RAP1GDS1: variants seen among roughly 807,000 people sequenced by gnomAD.
RAP1GDS1 encodes the protein Rap1 GTPase-GDP dissociation stimulator 1, also known as RAP1, GTP-GDP dissociation stimulator 1.
A neutral mutation model predicts 71.1 loss-of-function variants in RAP1GDS1; 35 were observed. The observed-to-expected ratio is 0.49, with a 90% CI of 0.38 to 0.65. RAP1GDS1 has a LOEUF of 0.65. RAP1GDS1 is among the 30% of genes least tolerant of loss of function. The pLI, the probability that RAP1GDS1 is intolerant of heterozygous loss-of-function variation, is 0.00. For synonymous variants in RAP1GDS1, 229 were observed against 243.1 expected, an observed-to-expected ratio of 0.94 and a Z score of 0.54; for missense variants, 663 against 706.1, an observed-to-expected ratio of 0.94 and a Z score of 0.69.
At chr4:98,397,912 C>G (rs28451188) in intron 6 of RAP1GDS1, among the ~76,000 whole-genome samples, 8,646 of 152,110 alleles carry the variant, frequency 0.057, 626 homozygotes, top group African/African-American at 0.17. Flanking sequence ...CATTTGTCTC[C>G]CAGAACGTAG....
At chr4:98,347,888 G>T (rs1416055646) in intron 3 of RAP1GDS1, among the ~76,000 whole-genome samples, 1 of 152,170 alleles carries the variant, frequency 6.6e-6, no homozygotes. Flanking sequence ...TAGGTAGTAG[G>T]AACCCCTTTG....
chr4:98,355,125 T>G (rs1333417245), intron 4 of RAP1GDS1, among the ~76,000 whole-genome samples: 1 of 152,218 alleles, frequency 6.6e-6, no homozygotes, highest in East Asian at 1.9e-4. Flanking sequence ...GGGAATTTAC[T>G]TGAAATGCAT....
Position 98,261,583 on chromosome 4 carries a change from C to G in RAP1GDS1, c.4+14C>G. 1 of 1,599,546 alleles carries G rather than the reference C, an allele frequency of 6.3e-7. No homozygotes were observed. Among genetic ancestry groups the G allele is most frequent in the Non-Finnish European group, 8.5e-7 (1 of 1,171,356 alleles). On this transcript the variant is annotated intron_variant, in intron 1 of 14. Transcript: ENST00000408927. Reference sequence around the variant, plus strand: ...GGAGCAACATGGGTAAGTCATCCTTCCTCCGCCGTCATCGCCTGACATTTT... The same window carrying G: ...GGAGCAACATGGGTAAGTCATCCTTGCTCCGCCGTCATCGCCTGACATTTT...
intron 6 of RAP1GDS1, among the ~76,000 whole-genome samples, chr4:98,400,670 T>C (rs1237786716): frequency 6.6e-6 from 1 of 152,116 alleles, no homozygotes; most frequent in Non-Finnish European, 1.5e-5. Context: ...CATTGTAGGA[T>C]AACTATCGTT....
rs182100599 is a variant in RAP1GDS1 at position 98,293,669 on chromosome 4, C to G, written c.112+154C>G. Among the ~76,000 whole-genome samples the G allele has an allele frequency of 1.1e-3, 173 of 152,144 alleles. 1 individual carries two copies. In the South Asian group the frequency reaches 0.018, roughly 16 times the overall value. On this transcript the variant is annotated intron_variant, in intron 2 of 14. Coordinates refer to ENST00000408927, the MANE Select transcript of RAP1GDS1 (RefSeq NM_001100427.2). ...GAATACTGAGATTGTTTTACATGTT[C>G]TACCCTCCTACTTCCCTCCACGCCC...
intron 3 of RAP1GDS1, among the ~76,000 whole-genome samples, chr4:98,349,166 A>G (rs572390837): frequency 6.6e-6 from 1 of 152,324 alleles, no homozygotes; most frequent in Non-Finnish European, 1.5e-5. Flanking sequence ...GAAGGGATCC[A>G]GTTTCAGCTT....
chr4:98,430,272 A>C (rs1375733551), intron 12 of RAP1GDS1, among the ~76,000 whole-genome samples: 1 of 152,224 alleles, frequency 6.6e-6, no homozygotes, highest in East Asian at 1.9e-4. Flanking sequence ...TTACAACTTT[A>C]GGATTACAAT....
In RAP1GDS1 at chr4:98,262,919, A is replaced by T. The variant is rs1371571650; in HGVS notation, c.4+1350A>T. Among the ~76,000 whole-genome samples, 4 of 152,312 alleles carry T rather than the reference A, an allele frequency of 2.6e-5. 1 individual carries two copies. In the South Asian group the frequency reaches 8.3e-4, roughly 32 times the overall value. On this transcript the variant is annotated intron_variant, in intron 1 of 14. Coordinates refer to ENST00000408927, the MANE Select transcript of RAP1GDS1 (RefSeq NM_001100427.2). ...AGGTGGTATGAATCAAAAAAGGTCT[A>T]GGGCTCTGAATTTTATTTTCAGTTG...
intron 2 of RAP1GDS1, among the ~76,000 whole-genome samples, chr4:98,334,501 C>T (rs188301626): frequency 6.6e-6 from 1 of 152,208 alleles, no homozygotes; most frequent in South Asian, 2.1e-4. Flanking sequence ...GACTAGTCAG[C>T]GTAGCAGGGA....
At chr4:98,303,903 T>C (rs1728938745) in intron 2 of RAP1GDS1, among the ~76,000 whole-genome samples, 1 of 151,948 alleles carries the variant, frequency 6.6e-6, no homozygotes, top group Non-Finnish European at 1.5e-5. Context: ...CCTTCCTGTG[T>C]CCATGTGTTT....
intron 1 of RAP1GDS1, among the ~76,000 whole-genome samples, chr4:98,288,552 T>G (rs933707222): frequency 6.6e-6 from 1 of 152,186 alleles, no homozygotes; most frequent in Non-Finnish European, 1.5e-5. Context: ...TACCCAGTAA[T>G]GGGATTGCTG....
At chr4:98,312,175 T>C (rs536285768) in intron 2 of RAP1GDS1, among the ~76,000 whole-genome samples, 1 of 152,316 alleles carries the variant, frequency 6.6e-6, no homozygotes, top group East Asian at 1.9e-4. Flanking sequence ...GGGGAAGCAT[T>C]TTAATAATAG....
At position 98,276,041 on chromosome 4, in the gene RAP1GDS1, A is replaced by ATT. The variant is rs371037140; in HGVS notation, c.4+14480_4+14481dup. 3.8e-3 allele frequency among the ~76,000 whole-genome samples: 577 copies of ATT among 151,658 alleles called. 6 individuals carry two copies. The highest frequency in any genetic ancestry group is 0.013 in the African/African-American group (552 of 41,302). ...ATATTGGGTGGCATATAAACAACAG[A>ATT]TTTTTTTTTCCCACAGTTCTGGTGA... On this transcript the variant is annotated intron_variant, in intron 1 of 14. Coordinates refer to ENST00000408927, the MANE Select transcript of RAP1GDS1 (RefSeq NM_001100427.2).
intron 1 of RAP1GDS1, among the ~76,000 whole-genome samples, chr4:98,267,837 A>G (rs1722910971): frequency 6.6e-6 from 1 of 152,110 alleles, no homozygotes; most frequent in Non-Finnish European, 1.5e-5. Flanking sequence ...TGGTAGCATG[A>G]TTTATTTTTC....
At chr4:98,307,986 C>A (rs1729582647) in intron 2 of RAP1GDS1, among the ~76,000 whole-genome samples, 1 of 151,686 alleles carries the variant, frequency 6.6e-6, no homozygotes, top group African/African-American at 2.4e-5. Flanking sequence ...TGTAAAAGTT[C>A]TTTTTCAGTT....
chr4:98,286,061 G>A (rs1221126515), intron 1 of RAP1GDS1, among the ~76,000 whole-genome samples: 6 of 151,476 alleles, frequency 4.0e-5, no homozygotes, highest in Non-Finnish European at 5.9e-5. Flanking sequence ...GAGCTCAGGA[G>A]GTCGAGACCA....
chr4:98,264,197 CCTGA>C (rs1722404871), intron 1 of RAP1GDS1, among the ~76,000 whole-genome samples: 1 of 152,084 alleles, frequency 6.6e-6, no homozygotes, highest in South Asian at 2.1e-4. Flanking sequence ...TGGAGACCAG[CCTGA>C]CTAACATGGT....
chr4:98,300,064 G>C (rs960902087), intron 2 of RAP1GDS1, among the ~76,000 whole-genome samples: 1 of 152,170 alleles, frequency 6.6e-6, no homozygotes, highest in Non-Finnish European at 1.5e-5. Context: ...TTTTAAAGAA[G>C]TTCTATAGGT....
chr4:98,263,162 T>G (rs1485725214), intron 1 of RAP1GDS1, among the ~76,000 whole-genome samples: 1 of 152,192 alleles, frequency 6.6e-6, no homozygotes, highest in Non-Finnish European at 1.5e-5. Context: ...ATAAAATTCC[T>G]TTGAACATAC....
Sources: allele counts gnomAD v4.1 joint callset (sites outside exome capture counted in the v4.1 genomes callset), GRCh38; gene constraint gnomAD v4.1.1; transcripts MANE v1.5; gene names NCBI Gene and HGNC (gene_info 2026-07-23, HGNC 2026-07-21).